The following VPS13B variants were observed in gnomAD, a reference collection of about 807,000 sequenced individuals.
The protein encoded by VPS13B is vacuolar protein sorting 13 homolog B, also known as intermembrane lipid transfer protein VPS13B.
Under a neutral mutation model 426.4 loss-of-function variants are expected in VPS13B, and 285 were observed. The ratio of observed to expected loss-of-function variants is 0.67; its 90% CI spans 0.61 to 0.74. The LOEUF (loss-of-function observed/expected upper bound fraction) is 0.74, where lower values mean the gene tolerates loss of function less well. Ranked by LOEUF, VPS13B falls within the 30% of genes least tolerant of loss-of-function variation. The pLI is 0.00. For synonymous variants in VPS13B, 1,676 were observed against 1,676.4 expected, an observed-to-expected ratio of 1.00 and a Z score of 0.01; for missense variants, 4,537 against 4,782.6, an observed-to-expected ratio of 0.95 and a Z score of 1.51.
At chr8:99,575,561 G>C in intron 31 of VPS13B, 97 bp from the exon 32 acceptor site, 1 of 1,454,736 alleles carries the variant, frequency 6.9e-7, no homozygotes, top group South Asian at 1.2e-5. Context: ...ATGTAATTTT[G>C]CCATACATGT....
intron 43 of VPS13B, among the ~76,000 whole-genome samples, chr8:99,808,223 T>TA (rs1249114222): frequency 2.4e-4 from 36 of 152,268 alleles, no homozygotes; most frequent in Admixed American, 1.2e-3. Flanking sequence ...ATATCTTTCT[T>TA]AAAATATCAG....
intron 44 of VPS13B, among the ~76,000 whole-genome samples, chr8:99,814,913 A>C (rs944050374): frequency 2.0e-5 from 3 of 152,154 alleles, no homozygotes; most frequent in African/African-American, 7.2e-5. Context: ...TATGAGAGAC[A>C]GACTATCAGG....
chr8:99,431,694 A>G, intron 22 of VPS13B, 30 bp downstream of exon 22: 1 of 1,597,544 alleles, frequency 6.3e-7, no homozygotes, highest in Non-Finnish European at 8.6e-7. Context: ...TATTATGGAT[A>G]TAATTTCTAT....
intron 19 of VPS13B, among the ~76,000 whole-genome samples, chr8:99,299,144 C>G (rs1377371611): frequency 6.8e-6 from 1 of 147,244 alleles, no homozygotes; most frequent in African/African-American, 2.5e-5. Context: ...TCACTGCAAC[C>G]TCAGCCTCCT....
At chr8:99,549,397 A>G (rs182623080) in intron 30 of VPS13B, among the ~76,000 whole-genome samples, 5 of 152,196 alleles carry the variant, frequency 3.3e-5, no homozygotes, top group East Asian at 1.9e-4. Context: ...TTTTACTTCT[A>G]TTTGACATTT....
chr8:99,101,541 G>T lies in VPS13B; in HGVS notation c.413-1412G>T, dbSNP rs142635380. 1.4e-3 allele frequency among the ~76,000 whole-genome samples: 214 copies of T among 152,274 alleles called. 1 individual carries two copies. Among genetic ancestry groups the T allele is most frequent in the African/African-American group, 5.1e-3 (211 of 41,562 alleles). ...TTCTTTTGGAGGTCTCATTTATTAA[G>T]AATTATTTTAGCATCTACTCATGGA... On this transcript the variant is annotated intron_variant, in intron 4 of 61. Coordinates refer to ENST00000357162, the MANE Select transcript of VPS13B (RefSeq NM_152564.5).
At chr8:99,612,472 C>T (rs1330140482) in intron 33 of VPS13B, among the ~76,000 whole-genome samples, 1 of 152,130 alleles carries the variant, frequency 6.6e-6, no homozygotes, top group Non-Finnish European at 1.5e-5. Context: ...CTGCTGACTT[C>T]CTGCCTTCTA....
chr8:99,351,648 T>C (rs1811903881), intron 19 of VPS13B, among the ~76,000 whole-genome samples: 1 of 152,096 alleles, frequency 6.6e-6, no homozygotes, highest in South Asian at 2.1e-4. Flanking sequence ...GTTTCATTTA[T>C]ACTTATTCTA....
At chr8:99,375,840 A>G (rs1813455403) in intron 19 of VPS13B, among the ~76,000 whole-genome samples, 2 of 152,216 alleles carry the variant, frequency 1.3e-5, no homozygotes, top group African/African-American at 4.8e-5. Context: ...GTAAATTAAT[A>G]TGTTTGTGTT....
chr8:99,647,770 A>G (rs988607374), intron 34 of VPS13B, among the ~76,000 whole-genome samples: 56 of 152,176 alleles, frequency 3.7e-4, no homozygotes, highest in African/African-American at 1.3e-3. Flanking sequence ...AGAGATTTTT[A>G]TTCTATAATT....
intron 34 of VPS13B, among the ~76,000 whole-genome samples, chr8:99,645,205 A>T (rs1829534363): frequency 2.0e-5 from 3 of 152,202 alleles, no homozygotes; most frequent in Admixed American, 2.0e-4. Context: ...TGTGTCTGTG[A>T]TGTGATTACA....
intron 3 of VPS13B, among the ~76,000 whole-genome samples, chr8:99,090,890 T>C (rs529190954): frequency 7.6e-4 from 115 of 152,232 alleles, no homozygotes; most frequent in Non-Finnish European, 1.5e-3. Flanking sequence ...TTTCTGCCTA[T>C]TTCACCTTCT....
At chr8:99,787,218 A>C (rs1812315629) in intron 43 of VPS13B, among the ~76,000 whole-genome samples, 1 of 152,152 alleles carries the variant, frequency 6.6e-6, no homozygotes, top group South Asian at 2.1e-4. Context: ...GGTTTCAAAG[A>C]GGTCAAGATA....
At chr8:99,114,514 A>G (rs578158531) in intron 6 of VPS13B, among the ~76,000 whole-genome samples, 3 of 152,232 alleles carry the variant, frequency 2.0e-5, no homozygotes, top group Non-Finnish European at 4.4e-5. Context: ...TACCAGTGCT[A>G]TTGGTGCAAT....
rs570933710 is a variant in VPS13B at position 99,757,415 on chromosome 8, C to G, written c.7051-9359C>G. Among the ~76,000 whole-genome samples the G allele has an allele frequency of 3.3e-5, 5 of 152,242 alleles. No individual in the cohort carries two copies. In the East Asian group the frequency reaches 9.6e-4, roughly 29 times the overall value. ...TTGCTAGATCTCCCCTCTCTACCTACCAACTCTTTATTATGCACATATATA... is the reference window on the plus strand; with the variant it reads ...TTGCTAGATCTCCCCTCTCTACCTAGCAACTCTTTATTATGCACATATATA... On this transcript the variant is annotated intron_variant, in intron 39 of 61. Transcript: ENST00000357162.
chr8:99,317,058 A>T (rs1201185352), intron 19 of VPS13B, among the ~76,000 whole-genome samples: 1 of 152,252 alleles, frequency 6.6e-6, no homozygotes, highest in Admixed American at 6.5e-5. Context: ...CACAGGTGGC[A>T]TAGAATGGCC....
chr8:99,351,431 A>AGTGTGTGTGTGTGTGTGTGTGTGT (rs1476078907), intron 19 of VPS13B, among the ~76,000 whole-genome samples: 1 of 147,524 alleles, frequency 6.8e-6, no homozygotes, highest in African/African-American at 2.5e-5. Flanking sequence ...AGAGAGAGAG[A>AGTGTGTGTGTGTGTGTGTGTGTGT]GAGAGTGTGT....
chr8:99,026,576 A>G (rs766302527), intron 2 of VPS13B, among the ~76,000 whole-genome samples: 1 of 152,196 alleles, frequency 6.6e-6, no homozygotes, highest in Non-Finnish European at 1.5e-5. Context: ...AATGGAGTCT[A>G]TCTCTCTCTT....
intron 51 of VPS13B, among the ~76,000 whole-genome samples, chr8:99,825,951 CA>C (rs919707629): frequency 6.6e-6 from 1 of 152,142 alleles, no homozygotes; most frequent in Non-Finnish European, 1.5e-5. Flanking sequence ...GTACCAGTGT[CA>C]TGCTGTTTTG....
Sources: allele counts gnomAD v4.1 joint callset (sites outside exome capture counted in the v4.1 genomes callset), GRCh38; gene constraint gnomAD v4.1.1; transcripts MANE v1.5; gene names NCBI Gene and HGNC (gene_info 2026-07-23, HGNC 2026-07-21).